GSG1L: variants seen among roughly 807,000 people sequenced by gnomAD.
GSG1L encodes germ cell-specific gene 1-like protein.
GSG1L carries 24 observed loss-of-function variants against 42.1 expected under a neutral mutation model. The ratio of observed to expected loss-of-function variants is 0.57; its 90% CI spans 0.41 to 0.80. The LOEUF (loss-of-function observed/expected upper bound fraction) is 0.80, where lower values mean the gene tolerates loss of function less well. GSG1L is among the 30% of genes least tolerant of loss of function. The pLI, the probability that GSG1L is intolerant of heterozygous loss-of-function variation, is 0.00. For missense variants in GSG1L, 445 were observed against 472.2 expected (o/e 0.94, Z 0.53); for synonymous variants, 215 against 203.5 (o/e 1.06, Z -0.48).
chr16:27,962,735 A>G (rs1199834451), intron 2 of GSG1L, among the ~76,000 whole-genome samples: 3 of 152,152 alleles, frequency 2.0e-5, no homozygotes. Context: ...GTGGCATCCA[A>G]TCAGACTGGC....
chr16:28,046,522 T>A (rs2086161174), intron 1 of GSG1L, among the ~76,000 whole-genome samples: 1 of 151,772 alleles, frequency 6.6e-6, no homozygotes, highest in African/African-American at 2.4e-5. Flanking sequence ...CCTGGCTAAT[T>A]TTTTGTATTT....
At chr16:27,794,444 C>T (rs1415792670) in intron 6 of GSG1L, among the ~76,000 whole-genome samples, 1 of 152,034 alleles carries the variant, frequency 6.6e-6, no homozygotes, top group African/African-American at 2.4e-5. Context: ...CATTCTCCTG[C>T]CTCAGCCTCC....
intron 1 of GSG1L, among the ~76,000 whole-genome samples, chr16:28,021,736 T>C (rs1488117620): frequency 1.3e-5 from 2 of 152,214 alleles, no homozygotes; most frequent in African/African-American, 4.8e-5. Context: ...GGTACCTTTC[T>C]AACCCTTTTT....
In GSG1L at chr16:27,997,826, T is replaced by A. The variant is rs1017111155; in HGVS notation, c.350-34623A>T. On this transcript the variant is annotated intron_variant, in intron 1 of 6. Transcript: ENST00000447459. ...GTCCATCATACCCAATATGTAGTTT[T>A]TCATCCCTCACTCCCTCCCACCCTC... 7.3e-5 allele frequency among the ~76,000 whole-genome samples: 11 copies of A among 151,470 alleles called. No individual in the cohort carries two copies. The East Asian group carries it at 1.9e-3, about 27-fold the overall frequency.
chr16:27,847,507 A>G (rs148402718), intron 3 of GSG1L, among the ~76,000 whole-genome samples: 4 of 152,200 alleles, frequency 2.6e-5, no homozygotes, highest in African/African-American at 7.2e-5. Context: ...GAATTAAGAG[A>G]CAATGTCAAG....
At chr16:27,841,273 C>A (rs1021758958) in intron 4 of GSG1L, among the ~76,000 whole-genome samples, 4 of 152,138 alleles carry the variant, frequency 2.6e-5, no homozygotes, top group Admixed American at 2.0e-4. Context: ...GGAGCCACAC[C>A]CTTGACCGCC....
At chr16:28,061,482 AAG>A (rs2086340829) in intron 1 of GSG1L, among the ~76,000 whole-genome samples, 1 of 152,104 alleles carries the variant, frequency 6.6e-6, no homozygotes, top group Non-Finnish European at 1.5e-5. Context: ...CCACCCCCAG[AAG>A]AGAGACAGAG....
At chr16:27,795,418 AT>A (rs568192308) in intron 6 of GSG1L, among the ~76,000 whole-genome samples, 19 of 152,064 alleles carry the variant, frequency 1.2e-4, no homozygotes, top group African/African-American at 4.3e-4. Context: ...AATTGTGTGA[AT>A]TTTTTTTAAG....
intron 3 of GSG1L, among the ~76,000 whole-genome samples, chr16:27,880,431 C>G (rs1235372019): frequency 2.0e-5 from 3 of 152,218 alleles, no homozygotes; most frequent in Non-Finnish European, 4.4e-5. Flanking sequence ...CTGGTCACTC[C>G]TGCAGTGTGA....
chr16:27,978,064 A>G (rs1374142156), intron 1 of GSG1L, among the ~76,000 whole-genome samples: 4 of 152,198 alleles, frequency 2.6e-5, no homozygotes, highest in Non-Finnish European at 5.9e-5. Flanking sequence ...AATTGCCCTC[A>G]GTGCAGCAGC....
intron 1 of GSG1L, among the ~76,000 whole-genome samples, chr16:28,017,257 T>C: frequency 6.6e-6 from 1 of 152,128 alleles, no homozygotes; most frequent in Admixed American, 6.5e-5. Flanking sequence ...GGGAAAGGCA[T>C]CTTCAAAGGT....
At chr16:27,925,077 C>A (rs1051455053) in intron 2 of GSG1L, among the ~76,000 whole-genome samples, 1 of 152,102 alleles carries the variant, frequency 6.6e-6, no homozygotes, top group African/African-American at 2.4e-5. Flanking sequence ...GTAAACAGAA[C>A]CAAATTCCTT....
intron 1 of GSG1L, among the ~76,000 whole-genome samples, chr16:27,995,086 A>G (rs2085500823): frequency 1.3e-5 from 2 of 152,182 alleles, no homozygotes; most frequent in Admixed American, 1.3e-4. Context: ...TCAGGGGACC[A>G]CCACGCATCC....
intron 1 of GSG1L, among the ~76,000 whole-genome samples, chr16:28,032,693 C>G (rs2085979668): frequency 6.6e-6 from 1 of 152,210 alleles, no homozygotes; most frequent in Admixed American, 6.5e-5. Flanking sequence ...TTCTCTATCT[C>G]AGTAATGGGC....
intron 3 of GSG1L, among the ~76,000 whole-genome samples, chr16:27,866,674 C>T (rs60772857): frequency 0.017 from 2,535 of 152,226 alleles, 68 homozygotes; most frequent in African/African-American, 0.058. Flanking sequence ...CAGGTTCAAG[C>T]CATTTTCCTG....
In GSG1L at chr16:27,980,274, G is replaced by A. The variant is rs74015188; in HGVS notation, c.350-17071C>T. Among the ~76,000 whole-genome samples, 984 of 152,274 alleles carry A rather than the reference G, an allele frequency of 6.5e-3. 15 individuals carry two copies. Among genetic ancestry groups the A allele is most frequent in the African/African-American group, 0.022 (899 of 41,556 alleles). ...ATGTGGGCAACGAGACAGGGGGAAGGGGTCACTAAGGAGCCCAGCATCCTT... is the reference window on the plus strand; with the variant it reads ...ATGTGGGCAACGAGACAGGGGGAAGAGGTCACTAAGGAGCCCAGCATCCTT... On this transcript the variant is annotated intron_variant, in intron 1 of 6. Transcript: ENST00000447459.
rs2084516951 is a variant in GSG1L, at chr16:27,920,898, GT to G, written c.398-36261del. Among the ~76,000 whole-genome samples the G allele has an allele frequency of 2.0e-5, 3 of 152,300 alleles. No individual in the cohort carries two copies. The East Asian group carries it at 5.8e-4, about 29-fold the overall frequency. The stretch of plus-strand genomic sequence containing the variant: ...AGAGAATGCAGGGAGCTGGGAATAT[GT>G]TTAGTCGTGGGGAATAAGGGGCCAG... On this transcript the variant is annotated intron_variant, in intron 2 of 6. Transcript: ENST00000447459.
At chr16:27,829,215 A>G (rs2083249498) in intron 4 of GSG1L, among the ~76,000 whole-genome samples, 1 of 152,190 alleles carries the variant, frequency 6.6e-6, no homozygotes, top group Non-Finnish European at 1.5e-5. Flanking sequence ...CATTCTGTCC[A>G]AGGGGGCTGG....
Position 27,946,222 on chromosome 16 carries a change from C to A in GSG1L, c.397+16934G>T, listed in dbSNP as rs139628327. On this transcript the variant is annotated intron_variant, in intron 2 of 6. Coordinates refer to ENST00000447459, the MANE Select transcript of GSG1L (RefSeq NM_001109763.2). ...GGCCACTCTGGTGTAAAGCAGAGAT[C>A]ACAGTACCTAACCCAAAGAGCTGTC... 1.5e-4 allele frequency among the ~76,000 whole-genome samples: 23 copies of A among 152,240 alleles called. No individual in the cohort carries two copies. In the East Asian group the frequency reaches 4.5e-3, roughly 29 times the overall value.
Sources: allele counts gnomAD v4.1 joint callset (sites outside exome capture counted in the v4.1 genomes callset), GRCh38; gene constraint gnomAD v4.1.1; transcripts MANE v1.5; gene names NCBI Gene and HGNC (gene_info 2026-07-23, HGNC 2026-07-21).